Variants in H3-7 observed in about 807,000 individuals in gnomAD.
The protein encoded by H3-7 is H3.7 histone (putative), also known as histone H3-7.
At chr1:143,903,246 G>C in the H3-7 span, among the ~76,000 whole-genome samples, 4 of 121,214 alleles carry the variant, frequency 3.3e-5, no homozygotes, top group African/African-American at 1.2e-4. Context: ...GGAAAGTTTG[G>C]AACCAAGACA....
the H3-7 span, among the ~76,000 whole-genome samples, chr1:143,903,916 C>T: frequency 1.4e-5 from 2 of 145,490 alleles, no homozygotes; most frequent in African/African-American, 5.0e-5. Context: ...AACCACCCCC[C>T]GCCTCCTTCC....
At chr1:143,905,467 C>A in the H3-7 span, 1 of 1,009,942 alleles carries the variant, frequency 9.9e-7, no homozygotes, top group East Asian at 2.6e-5. Flanking sequence ...GGCAGACGCA[C>A]ATCAGATGGA....
the H3-7 span, chr1:143,905,482 C>A: frequency 9.2e-7 from 1 of 1,086,112 alleles, no homozygotes; most frequent in Non-Finnish European, 1.3e-6. Flanking sequence ...GATGGAGAGC[C>A]GGTACAGCTG....
At chr1:143,905,552 T>A in the H3-7 span, 1 of 1,569,970 alleles carries the variant, frequency 6.4e-7, no homozygotes. Context: ...CTTAAAAATA[T>A]ACCTTAGGCC....
At chr1:143,905,700 G>C in the H3-7 span, 9 of 1,582,742 alleles carry the variant, frequency 5.7e-6, 1 homozygote, top group African/African-American at 2.7e-5. Context: ...GCGCCATCAC[G>C]GCCGAGCTCT....
At chr1:143,903,212 G>T in the H3-7 span, among the ~76,000 whole-genome samples, 2 of 129,504 alleles carry the variant, frequency 1.5e-5, no homozygotes, top group East Asian at 4.5e-4. Context: ...AAAAAAACAA[G>T]CGCAAAGGTG....
chr1:143,904,214 T>C, the H3-7 span: 1 of 1,545,460 alleles, frequency 6.5e-7, no homozygotes, highest in African/African-American at 1.4e-5. Flanking sequence ...TTGCGTCCCT[T>C]GCACACTCTT....
the H3-7 span, chr1:143,904,161 AAGTGG>A: frequency 8.2e-7 from 1 of 1,222,328 alleles, no homozygotes; most frequent in African/African-American, 1.5e-5. Context: ...TCGATTACTG[AAGTGG>A]CTCTGAAAAG....
the H3-7 span, chr1:143,904,510 G>C: frequency 5.0e-6 from 8 of 1,605,544 alleles, 1 homozygote; most frequent in East Asian, 1.8e-4. Flanking sequence ...TTGCGGCTGC[G>C]CTTGCGCTTC....
At chr1:143,904,598 C>A in the H3-7 span, 3 of 1,587,852 alleles carry the variant, frequency 1.9e-6, no homozygotes, top group Non-Finnish European at 2.6e-6. Context: ...TCGCTGGATC[C>A]GGCATTTTTG....
chr1:143,905,927 C>A, the H3-7 span: 5 of 1,580,148 alleles, frequency 3.2e-6, no homozygotes, highest in South Asian at 3.4e-5. Context: ...GGGGCCTTGC[C>A]GCCGGTCGAC....
the H3-7 span, chr1:143,905,430 T>G: frequency 1.4e-6 from 1 of 737,656 alleles, no homozygotes; most frequent in African/African-American, 1.8e-5. Context: ...CCACCACGAG[T>G]GCCCCTGGCC....
the H3-7 span, chr1:143,905,805 G>A: frequency 1.6e-5 from 25 of 1,582,110 alleles, 1 homozygote; most frequent in African/African-American, 2.7e-5. Context: ...ACTTCTGATA[G>A]CGCCGGATCT....
At chr1:143,904,664 C>A in the H3-7 span, 1 of 1,535,308 alleles carries the variant, frequency 6.5e-7, no homozygotes, top group Admixed American at 1.7e-5. Context: ...GCAAAACGGG[C>A]TGGTTATGCG....
At chr1:143,905,824 G>C in the H3-7 span, 14 of 1,582,252 alleles carry the variant, frequency 8.8e-6, 1 homozygote, top group African/African-American at 1.6e-4. Context: ...CTCCCGCAGA[G>C]CCACGGTGCC....
chr1:143,905,894 C>A, the H3-7 span: 1 of 1,580,188 alleles, frequency 6.3e-7, no homozygotes, highest in Non-Finnish European at 8.7e-7. Flanking sequence ...TTGCGGGCCG[C>A]TTTGGTAGCC....
At chr1:143,905,763 G>A in the H3-7 span, 66 of 1,582,028 alleles carry the variant, frequency 4.2e-5, 12 homozygotes, top group Middle Eastern at 1.7e-4. Flanking sequence ...CCAGCCGCTG[G>A]AAGGGCAGCT....
At chr1:143,904,372 C>T in the H3-7 span, 2 of 1,582,780 alleles carry the variant, frequency 1.3e-6, no homozygotes, top group South Asian at 1.1e-5. Context: ...AGGCGGGACG[C>T]CTCTCCCGCG....
chr1:143,905,480 G>C, the H3-7 span: 65 of 1,080,846 alleles, frequency 6.0e-5, 6 homozygotes, highest in South Asian at 9.6e-4. Context: ...CAGATGGAGA[G>C]CCGGTACAGC....
Sources: gnomAD v4.1 joint callset for allele counts (sites outside exome capture counted in the v4.1 genomes callset) on GRCh38, gnomAD v4.1.1 for gene constraint, MANE v1.5 for transcripts, NCBI Gene and HGNC (gene_info 2026-07-23, HGNC 2026-07-21) for gene names.